Variants in TBCK observed in about 807,000 individuals in gnomAD.
TBCK encodes the protein TBC1 domain containing kinase, also known as TBC domain-containing protein kinase-like protein.
A neutral mutation model predicts 113.4 loss-of-function variants in TBCK; 99 were observed. The observed-to-expected ratio is 0.87, with a 90% CI of 0.74 to 1.03. The LOEUF is 1.03. TBCK is among the 50% of genes least tolerant of loss of function. TBCK has a pLI of 0.00. For missense variants in TBCK, 1,045 were observed against 1,061.3 expected, an observed-to-expected ratio of 0.98 and a Z score of 0.21; for synonymous variants, 369 against 370.8, an observed-to-expected ratio of 1.00 and a Z score of 0.05.
intron 2 of TBCK, among the ~76,000 whole-genome samples, chr4:106,298,012 G>A (rs781068723): frequency 1.3e-5 from 2 of 152,184 alleles, no homozygotes; most frequent in Non-Finnish European, 2.9e-5. Context: ...TCAGGGCTCA[G>A]TTAAATGTGA....
intron 19 of TBCK, among the ~76,000 whole-genome samples, chr4:106,215,432 A>T (rs573773022): frequency 6.6e-6 from 1 of 152,190 alleles, no homozygotes; most frequent in Non-Finnish European, 1.5e-5. Context: ...AATTGGATAA[A>T]GAGTCAAGAC....
chr4:106,053,039 T>C (rs1734976932), intron 25 of TBCK, among the ~76,000 whole-genome samples: 1 of 151,688 alleles, frequency 6.6e-6, no homozygotes, highest in Admixed American at 6.6e-5. Context: ...TAATCAAATA[T>C]TCAGCAAGTG....
intron 5 of TBCK, among the ~76,000 whole-genome samples, chr4:106,253,380 T>G (rs1761636138): frequency 6.6e-6 from 1 of 152,184 alleles, no homozygotes; most frequent in African/African-American, 2.4e-5. Context: ...GGCTGTTTCC[T>G]GCTTTTTATT....
chr4:106,097,276 A>C (rs1287920013), intron 24 of TBCK, among the ~76,000 whole-genome samples: 2 of 152,208 alleles, frequency 1.3e-5, no homozygotes, highest in Non-Finnish European at 2.9e-5. Flanking sequence ...TACACTTTGG[A>C]AAATAAGGCA....
intron 20 of TBCK, among the ~76,000 whole-genome samples, chr4:106,199,276 TC>T (rs145626173): frequency 6.6e-6 from 1 of 152,234 alleles, no homozygotes; most frequent in Non-Finnish European, 1.5e-5. Context: ...AGTTGACTAT[TC>T]CCACTTCTTC....
chr4:106,245,052 G>T lies in TBCK; in HGVS notation c.932-288C>A, dbSNP rs569776458. 4.6e-5 allele frequency among the ~76,000 whole-genome samples: 7 copies of T among 152,250 alleles called. No homozygotes were observed. The South Asian group carries it at 8.3e-4, about 18-fold the overall frequency. The stretch of plus-strand genomic sequence containing the variant: ...CAGAGAGGAGAATAAAGGGAGCTAT[G>T]GCATTCTGGAACAGACATTCATGAG... On this transcript the variant is annotated intron_variant, in intron 10 of 25. Coordinates refer to ENST00000394708, the MANE Select transcript of TBCK (RefSeq NM_001163435.3).
intron 3 of TBCK, among the ~76,000 whole-genome samples, chr4:106,263,640 T>G (rs528482734): frequency 6.6e-6 from 1 of 151,914 alleles, no homozygotes; most frequent in African/African-American, 2.4e-5. Context: ...GGGTAAATGT[T>G]AAGGTATGTA....
chr4:106,304,053 A>G (rs1767239893), intron 2 of TBCK, among the ~76,000 whole-genome samples: 2 of 152,128 alleles, frequency 1.3e-5, no homozygotes, highest in Non-Finnish European at 2.9e-5. Context: ...CCCACAGCTT[A>G]CTGAATATGT....
intron 12 of TBCK, among the ~76,000 whole-genome samples, chr4:106,237,314 C>T (rs1759585948): frequency 6.6e-6 from 1 of 152,026 alleles, no homozygotes; most frequent in African/African-American, 2.4e-5. Flanking sequence ...ATTCAAATAG[C>T]TAATAAATCA....
intron 19 of TBCK, among the ~76,000 whole-genome samples, chr4:106,227,956 T>C (rs1333765777): frequency 1.3e-5 from 2 of 151,938 alleles, no homozygotes; most frequent in Non-Finnish European, 2.9e-5. Context: ...TACCAGAAAT[T>C]TACATATTAT....
At chr4:106,191,697 G>T (rs192570596) in intron 22 of TBCK, among the ~76,000 whole-genome samples, 208 of 152,200 alleles carry the variant, frequency 1.4e-3, no homozygotes, top group Non-Finnish European at 1.4e-3. Flanking sequence ...TTGCATGTAG[G>T]ATAACCTATT....
chr4:106,127,765 T>G (rs1745400441), intron 23 of TBCK, among the ~76,000 whole-genome samples: 1 of 152,122 alleles, frequency 6.6e-6, no homozygotes, highest in Non-Finnish European at 1.5e-5. Flanking sequence ...AGTTTTCAAA[T>G]GATTACGCTG....
chr4:106,172,971 T>C (rs1298041981), intron 22 of TBCK, among the ~76,000 whole-genome samples: 2 of 152,166 alleles, frequency 1.3e-5, no homozygotes, highest in Admixed American at 1.3e-4. Context: ...TTATAAGGCA[T>C]CTTTTGTTAC....
intron 25 of TBCK, among the ~76,000 whole-genome samples, chr4:106,094,435 T>G (rs1740683665): frequency 6.6e-6 from 1 of 152,206 alleles, no homozygotes; most frequent in Non-Finnish European, 1.5e-5. Context: ...TTTCCAAGTG[T>G]TCAACAAAGT....
chr4:106,128,993 G>A (rs1489870523), intron 23 of TBCK, among the ~76,000 whole-genome samples: 1 of 152,012 alleles, frequency 6.6e-6, no homozygotes, highest in Non-Finnish European at 1.5e-5. Context: ...TCAAATCACT[G>A]GGTGATGATT....
At chr4:106,056,852 T>A (rs887671442) in intron 25 of TBCK, among the ~76,000 whole-genome samples, 1 of 151,774 alleles carries the variant, frequency 6.6e-6, no homozygotes, top group African/African-American at 2.4e-5. Flanking sequence ...ATTTAAAATT[T>A]CTTTTTGGAA....
chr4:106,294,581 A>G (rs1171397495), intron 3 of TBCK, among the ~76,000 whole-genome samples: 3 of 151,318 alleles, frequency 2.0e-5, no homozygotes, highest in African/African-American at 7.3e-5. Context: ...TCCTGGGTTC[A>G]CGCCATTCTC....
intron 24 of TBCK, among the ~76,000 whole-genome samples, chr4:106,099,815 C>T (rs1024183775): frequency 6.6e-5 from 10 of 152,054 alleles, no homozygotes; most frequent in Admixed American, 5.2e-4. Context: ...TTTGTCTTTT[C>T]TCTTGGAAAT....
chr4:106,214,517 T>G (rs1254157726), intron 19 of TBCK, among the ~76,000 whole-genome samples: 1 of 151,774 alleles, frequency 6.6e-6, no homozygotes, highest in Admixed American at 6.6e-5. Flanking sequence ...GAGAAGTGCT[T>G]AAAGGAGCTG....
Sources: allele counts gnomAD v4.1 joint callset (sites outside exome capture counted in the v4.1 genomes callset), GRCh38; gene constraint gnomAD v4.1.1; transcripts MANE v1.5; gene names NCBI Gene and HGNC (gene_info 2026-07-23, HGNC 2026-07-21).